Variants in CD247 observed in about 807,000 individuals in gnomAD.
CD247 encodes the protein CD247 molecule.
Under a neutral mutation model 30.0 loss-of-function variants are expected in CD247, and 13 were observed. The ratio of observed to expected loss-of-function variants is 0.43; its 90% CI spans 0.28 to 0.69. The LOEUF (loss-of-function observed/expected upper bound fraction) is 0.69. Ranked by LOEUF, CD247 falls within the 30% of genes least tolerant of loss-of-function variation. The pLI is 0.16. For missense variants in CD247, 193 were observed against 212.6 expected, an observed-to-expected ratio of 0.91 and a Z score of 0.57; for synonymous variants, 72 against 80.0, an observed-to-expected ratio of 0.90 and a Z score of 0.53.
At chr1:167,434,295 G>C (rs1651421780) in intron 5 of CD247, 2 of 605,492 alleles carry the variant, frequency 3.3e-6, no homozygotes, top group Non-Finnish European at 5.9e-6. Context: ...TCTCCTCCGA[G>C]CTGCCAGCTC....
intron 1 of CD247, chr1:167,457,514 G>T (rs1434163200): frequency 1.3e-5 from 2 of 152,362 alleles, no homozygotes; most frequent in Admixed American, 6.5e-5. Flanking sequence ...GGGGAGCCCT[G>T]CTGTGAGGTG....
At chr1:167,464,056 C>T (rs1454411119) in intron 1 of CD247, among the ~76,000 whole-genome samples, 1 of 152,024 alleles carries the variant, frequency 6.6e-6, no homozygotes, top group Admixed American at 6.5e-5. Flanking sequence ...AAAAAGAAGC[C>T]CCTACGGTGG....
At chr1:167,460,967 T>C (rs922598887) in intron 1 of CD247, among the ~76,000 whole-genome samples, 9 of 152,342 alleles carry the variant, frequency 5.9e-5, no homozygotes, top group African/African-American at 1.9e-4. Flanking sequence ...GGAGGTGTGT[T>C]TGTCAGTTTG....
chr1:167,491,158 C>A (rs920751735), intron 1 of CD247, among the ~76,000 whole-genome samples: 1 of 152,086 alleles, frequency 6.6e-6, no homozygotes, highest in Non-Finnish European at 1.5e-5. Context: ...GTTTAAAAAA[C>A]AGAAAATCAC....
chr1:167,448,381 G>T (rs565579623), intron 1 of CD247: 56 of 985,266 alleles, frequency 5.7e-5, no homozygotes, highest in African/African-American at 5.2e-5. Context: ...GGTGAGAGGG[G>T]TCCTCACCAG....
At chr1:167,452,714 C>T (rs1773561) in intron 1 of CD247, among the ~76,000 whole-genome samples, 41,266 of 151,876 alleles carry the variant, frequency 0.27, 6,983 homozygotes, top group Middle Eastern at 0.41. Flanking sequence ...AGGGACGATG[C>T]CTGCAGTCAC....
chr1:167,438,629 C>T lies in CD247; in HGVS notation c.241G>A (p.Glu81Lys), dbSNP rs1285289780. 1.9e-6 allele frequency: 3 copies of T among 1,614,076 alleles called. No individual in the cohort carries two copies. Among genetic ancestry groups the T allele is most frequent in the Non-Finnish European group, 2.5e-6 (3 of 1,179,898 alleles). ...LYNELNLGRREEYDVLDKRRG... is the reference protein window; with the variant it reads ...LYNELNLGRRKEYDVLDKRRG... ...CTCTTGTCCAAAACATCGTACTCCT[C>T]TCTTCGTCCTAGATTGAGCTCCTAT... The change falls in exon 4 of 8, where the codon GAG becomes AAG. Residue 81 changes from glutamate to lysine, a missense_variant. Physicochemically the swap from Glu to Lys is moderately conservative, Grantham distance 56. Coordinates refer to ENST00000362089, the MANE Select transcript of CD247 (RefSeq NM_198053.3).
At chr1:167,454,977 A>G (rs374442184) in intron 1 of CD247, among the ~76,000 whole-genome samples, 1 of 152,178 alleles carries the variant, frequency 6.6e-6, no homozygotes. Context: ...CCGTGCATCC[A>G]TCGGCTAGCC....
At chr1:167,458,069 C>T (rs1414038597) in intron 1 of CD247, among the ~76,000 whole-genome samples, 2 of 152,208 alleles carry the variant, frequency 1.3e-5, no homozygotes, top group African/African-American at 4.8e-5. Context: ...ACCTAAAGTG[C>T]GTGACCTTAG....
intron 1 of CD247, among the ~76,000 whole-genome samples, chr1:167,476,604 C>G (rs1330444006): frequency 4.6e-5 from 7 of 152,286 alleles, no homozygotes; most frequent in Admixed American, 6.5e-5. Context: ...GGGCAGATCT[C>G]TTGAGCTGAG....
intron 1 of CD247, among the ~76,000 whole-genome samples, chr1:167,487,367 T>C (rs1325530779): frequency 1.3e-5 from 2 of 151,944 alleles, no homozygotes; most frequent in African/African-American, 4.8e-5. Context: ...TAGAGTGAGA[T>C]TCCATCTAAA....
chr1:167,477,762 C>T (rs186152041), intron 1 of CD247, among the ~76,000 whole-genome samples: 2 of 152,328 alleles, frequency 1.3e-5, no homozygotes, highest in Admixed American at 1.3e-4. Flanking sequence ...CTCCTGGCTT[C>T]AAGCAATTCC....
chr1:167,459,698 A>G (rs1652906699), intron 1 of CD247: 1 of 152,196 alleles, frequency 6.6e-6, no homozygotes, highest in Admixed American at 6.5e-5. Context: ...CTTTAAATGT[A>G]GAGATACTTC....
At position 167,463,116 on chromosome 1, in the gene CD247, G is replaced by A. The variant is rs372019965; in HGVS notation, c.59-22349C>T. On this transcript the variant is annotated intron_variant, in intron 1 of 7. Coordinates refer to ENST00000362089, the MANE Select transcript of CD247 (RefSeq NM_198053.3). Reference sequence around the variant, plus strand: ...CAGGAACCCTTCCTGGGTTCTGTTTGTGGCTTTTCTGCGTTGCCACTGAGC... The same window carrying A: ...CAGGAACCCTTCCTGGGTTCTGTTTATGGCTTTTCTGCGTTGCCACTGAGC... Among the ~76,000 whole-genome samples the A allele has an allele frequency of 6.6e-5, 10 of 152,284 alleles. No homozygotes were observed. The East Asian group carries it at 9.7e-4, about 15-fold the overall frequency.
intron 2 of CD247, 88 bp downstream of exon 2, chr1:167,440,576 G>A (rs983886276): frequency 5.8e-6 from 5 of 861,570 alleles, no homozygotes; most frequent in South Asian, 1.4e-5. Context: ...CACCACCCGA[G>A]CTTGAGACCT....
intron 1 of CD247, among the ~76,000 whole-genome samples, chr1:167,489,292 T>C (rs1357359469): frequency 6.6e-6 from 1 of 152,182 alleles, no homozygotes; most frequent in Non-Finnish European, 1.5e-5. Flanking sequence ...ATAAAAGTGT[T>C]CCCACATCAC....
chr1:167,434,436 T>G, intron 5 of CD247: 1 of 373,282 alleles, frequency 2.7e-6, no homozygotes, highest in Non-Finnish European at 5.1e-6. Context: ...GCAAGTTGTC[T>G]CTTTACACAG....
chr1:167,450,311 C>A (rs183563441), intron 1 of CD247, among the ~76,000 whole-genome samples: 352 of 152,258 alleles, frequency 2.3e-3, no homozygotes, highest in African/African-American at 7.6e-3. Flanking sequence ...GCCTGGGCAA[C>A]ATGGCAAGAC....
At chr1:167,510,292 C>A (rs927371560) in intron 1 of CD247, among the ~76,000 whole-genome samples, 1 of 152,254 alleles carries the variant, frequency 6.6e-6, no homozygotes, top group Non-Finnish European at 1.5e-5. Context: ...CACATGCACA[C>A]CTGCACATGC....
Sources: gnomAD v4.1 joint callset for allele counts (sites outside exome capture counted in the v4.1 genomes callset) on GRCh38, gnomAD v4.1.1 for gene constraint, MANE v1.5 for transcripts, NCBI Gene and HGNC (gene_info 2026-07-23, HGNC 2026-07-21) for gene names.